The following DEF8 variants were observed in gnomAD, a reference collection of about 807,000 sequenced individuals.
DEF8 encodes the protein differentially expressed in FDCP 8 homolog.
DEF8 carries 38 observed loss-of-function variants against 59.1 expected under a neutral mutation model. That is an observed-to-expected ratio of 0.64 (90% CI 0.50 to 0.84). The LOEUF is 0.84. Ranked by LOEUF, DEF8 falls within the 40% of genes least tolerant of loss-of-function variation. The probability of loss-of-function intolerance (pLI) is 0.00; values close to 1 mark genes in which losing one functional copy is unlikely to be tolerated. For synonymous variants in DEF8, 265 were observed against 250.1 expected (o/e 1.06, Z -0.56); for missense variants, 557 against 615.2 (o/e 0.91, Z 1.00).
intron 7 of DEF8, 31 bp downstream of exon 7, chr16:89,961,126 G>T: frequency 1.3e-6 from 2 of 1,598,572 alleles, no homozygotes; most frequent in African/African-American, 1.3e-5. Flanking sequence ...AAGAGGGTGA[G>T]GGAGCTGTTC....
Position 89,957,534 on chromosome 16 carries a change from C to T in DEF8, c.246C>T (p.Val82=), listed in dbSNP as rs141475941. 3.5e-5 allele frequency: 56 copies of T among 1,591,958 alleles called. No individual in the cohort carries two copies. The highest frequency in any genetic ancestry group is 4.6e-5 in the Non-Finnish European group (54 of 1,169,644). Residue 82 remains valine (V), a synonymous_variant, in exon 5 of 13, where the codon GTC becomes GTT. Coordinates refer to ENST00000563594, the MANE Select transcript of DEF8 (RefSeq NM_001242818.2). The stretch of plus-strand genomic sequence containing the variant: ...AGGGTCTGTTCCTGGCCTCTGACGT[C>T]CAGCAGCTGCGGCAGGCGATCGAGG... The part of the protein sequence containing the change: ...RPVGLFLASD[V]QQLRQAIEEC...
Position 89,954,362 on chromosome 16 carries a change from A to C in DEF8, c.110A>C (p.Asp37Ala), listed in dbSNP as rs774070448. 1 of 1,613,660 alleles carries C rather than the reference A, an allele frequency of 6.2e-7. No individual in the cohort carries two copies. The highest frequency in any genetic ancestry group is 8.5e-7 in the Non-Finnish European group (1 of 1,179,850). The change falls in exon 3 of 13, where the codon GAC becomes GCC. Residue 37 changes from aspartate (D) to alanine (A), a missense_variant. Asp to Ala is a moderately radical substitution (Grantham distance 126, BLOSUM62 -2). Coordinates refer to ENST00000563594, the MANE Select transcript of DEF8 (RefSeq NM_001242818.2). The surrounding 1 kb of genome is among the most constrained non-coding windows in gnomAD (Gnocchi z 4.3). ...CAGGGCCCTGGGGAGGAGGTCCCGGACGTCACTCCTGAAGGTGGGTGCTGG... is the reference window on the plus strand; with the variant it reads ...CAGGGCCCTGGGGAGGAGGTCCCGGCCGTCACTCCTGAAGGTGGGTGCTGG... Reference protein sequence around the residue: ...HEQGPGEEVPDVTPEEALPEL... With the variant: ...HEQGPGEEVPAVTPEEALPEL...
At chr16:89,959,495 T>TG (rs2033733600) in intron 6 of DEF8, 1 of 570,596 alleles carries the variant, frequency 1.8e-6, no homozygotes, top group Non-Finnish European at 2.7e-6. Flanking sequence ...TGTTTGTTTT[T>TG]GGTTTGGTTT....
intron 5 of DEF8, chr16:89,958,291 C>T (rs1005159341): frequency 6.5e-6 from 1 of 153,898 alleles, no homozygotes; most frequent in East Asian, 1.9e-4. Context: ...TAGTTCTGGG[C>T]TGTGTGCCCA....
At chr16:89,959,282 A>C in intron 6 of DEF8, 127 bp downstream of exon 6, 3 of 1,523,946 alleles carry the variant, frequency 2.0e-6, no homozygotes, top group Non-Finnish European at 1.8e-6. Context: ...AGTCAAAGTT[A>C]AATTAACTAA....
intron 12 of DEF8, 86 bp from the exon 13 acceptor site, chr16:89,965,775 G>C (rs2034558444): frequency 1.2e-6 from 1 of 815,504 alleles, no homozygotes; most frequent in Admixed American, 2.3e-5. Context: ...CTGTAGAGGG[G>C]ATGATAGGAG....
intron 6 of DEF8, among the ~76,000 whole-genome samples, chr16:89,959,643 C>T (rs759553251): frequency 8.5e-5 from 13 of 152,280 alleles, no homozygotes; most frequent in Admixed American, 4.6e-4. Flanking sequence ...TACAGGTGCC[C>T]GCCACCACGC....
At chr16:89,956,372 A>G (rs2033195864) in intron 4 of DEF8, among the ~76,000 whole-genome samples, 1 of 151,506 alleles carries the variant, frequency 6.6e-6, no homozygotes, top group Non-Finnish European at 1.5e-5. Context: ...AGGCAGGAGA[A>G]TCGCTTGAAC....
chr16:89,965,705 A>C (rs1443227446), intron 12 of DEF8, among the ~76,000 whole-genome samples, 156 bp from the exon 13 acceptor site: 1 of 152,136 alleles, frequency 6.6e-6, no homozygotes, highest in Non-Finnish European at 1.5e-5. Context: ...AGCGCTCTGC[A>C]CACGGCCATA....
chr16:89,960,543 A>G (rs1219572309), intron 6 of DEF8, among the ~76,000 whole-genome samples: 2 of 150,148 alleles, frequency 1.3e-5, no homozygotes, highest in African/African-American at 4.9e-5. Context: ...ACAAAAACAG[A>G]GAGAGAGAAA....
chr16:89,965,560 C>T (rs560293735), intron 12 of DEF8, among the ~76,000 whole-genome samples: 2 of 152,234 alleles, frequency 1.3e-5, no homozygotes, highest in South Asian at 4.1e-4. Flanking sequence ...AGGTGGGAAT[C>T]GTGAGGAAGG....
In DEF8 at chr16:89,964,567, C is replaced by A. The variant is rs933532283; in HGVS notation, c.1245C>A (p.Val415=). Residue 415 remains valine (V), a synonymous_variant, in exon 12 of 13, where the codon GTC becomes GTA. Transcript: ENST00000563594. ...HTSVCADCSA[V]FHRDCYYDNS... is the part of the protein sequence containing the mutation. ...CTGTGTGCGCCGACTGCTCCGCGGT[C>A]TTCCACAGGTGGGTGTGGCCTGGGC... The A allele has an allele frequency of 7.7e-6, 12 of 1,567,506 alleles. No individual in the cohort carries two copies. The African/African-American group carries it at 1.5e-4, about 20-fold the overall frequency.
At chr16:89,965,809 T>G in intron 12 of DEF8, 52 bp from the exon 13 acceptor site, 3 of 1,251,836 alleles carry the variant, frequency 2.4e-6, no homozygotes, top group Admixed American at 1.9e-5. Flanking sequence ...CTTGGGGGGA[T>G]TCAGTGCTGG....
chr16:89,952,324 G>C (rs900727741), intron 2 of DEF8, among the ~76,000 whole-genome samples: 2 of 152,192 alleles, frequency 1.3e-5, no homozygotes, highest in Non-Finnish European at 2.9e-5. Context: ...AGATAGCCCT[G>C]ATTTAGTCTC....
intron 4 of DEF8, 179 bp from the exon 5 acceptor site, chr16:89,957,332 C>G (rs1362983026): frequency 3.2e-6 from 2 of 621,832 alleles, no homozygotes; most frequent in Admixed American, 6.5e-5. Flanking sequence ...ACCGGGTGGA[C>G]CTTGACCGTG....
intron 2 of DEF8, among the ~76,000 whole-genome samples, chr16:89,953,486 T>C (rs963334836): frequency 7.2e-5 from 11 of 152,220 alleles, no homozygotes; most frequent in African/African-American, 2.6e-4. Flanking sequence ...AACTAGGCCC[T>C]TCCGGCCTGT....
In DEF8 at chr16:89,964,537, C is replaced by T. The variant is rs2034433769; in HGVS notation, c.1215C>T (p.His405=). ...EGDVLFPFDS[H]TSVCADCSAV... is the part of the protein sequence containing the mutation. The stretch of plus-strand genomic sequence containing the variant: ...ACGTGCTGTTCCCGTTCGACAGCCA[C>T]ACGTCTGTGTGCGCCGACTGCTCCG... Residue 405 remains histidine, a synonymous_variant, in exon 12 of 13, where the codon CAC becomes CAT. Coordinates refer to ENST00000563594, the MANE Select transcript of DEF8 (RefSeq NM_001242818.2). 6.3e-7 allele frequency: 1 copy of T among 1,592,598 alleles called. No homozygotes were observed.
chr16:89,957,691 G>T (rs1360225408), intron 5 of DEF8, 31 bp downstream of exon 5: 8 of 1,518,684 alleles, frequency 5.3e-6, no homozygotes, highest in Admixed American at 2.1e-5. Flanking sequence ...CCGTGGGGCA[G>T]CCTGGGGCCG....
At chr16:89,964,340 C>G in intron 11 of DEF8, 30 bp downstream of exon 11, 1 of 1,561,100 alleles carries the variant, frequency 6.4e-7, no homozygotes, top group Non-Finnish European at 8.7e-7. Flanking sequence ...CCGCTCTTCT[C>G]CAACCCCAGC....
Sources: gnomAD v4.1 joint callset for allele counts (sites outside exome capture counted in the v4.1 genomes callset) on GRCh38, gnomAD v4.1.1 for gene constraint, Gnocchi (gnomAD v3.1) non-coding constraint, MANE v1.5 for transcripts, NCBI Gene and HGNC (gene_info 2026-07-23, HGNC 2026-07-21) for gene names.